The following UQCRFS1 variants were observed in gnomAD, a reference collection of about 807,000 sequenced individuals.
The protein encoded by UQCRFS1 is ubiquinol-cytochrome c reductase, Rieske iron-sulfur polypeptide 1, also known as cytochrome b-c1 complex subunit Rieske, mitochondrial.
Under a neutral mutation model 15.6 loss-of-function variants are expected in UQCRFS1, and 6 were observed. The ratio of observed to expected loss-of-function variants is 0.38; its 90% CI spans 0.21 to 0.76. The LOEUF (loss-of-function observed/expected upper bound fraction) is 0.76, where lower values mean the gene tolerates loss of function less well. Ranked by LOEUF, UQCRFS1 falls within the 30% of genes least tolerant of loss-of-function variation. The pLI is 0.44. For missense variants in UQCRFS1, 203 were observed against 366.7 expected, an observed-to-expected ratio of 0.55 and a Z score of 3.65; for synonymous variants, 105 against 154.3, an observed-to-expected ratio of 0.68 and a Z score of 2.37.
chr19:29,210,750 G>C (rs995746275), intron 1 of UQCRFS1, among the ~76,000 whole-genome samples: 5 of 151,974 alleles, frequency 3.3e-5, no homozygotes, highest in African/African-American at 9.7e-5. Flanking sequence ...TTCTTAATCC[G>C]GTCTATCATT....
chr19:29,210,548 C>T (rs1333223573), intron 1 of UQCRFS1, among the ~76,000 whole-genome samples: 5 of 137,292 alleles, frequency 3.6e-5, no homozygotes, highest in African/African-American at 1.1e-4. Context: ...GTGTGATGTT[C>T]CCCTTCCTGT....
At position 29,208,132 on chromosome 19, in the gene UQCRFS1, T is replaced by C. The variant is rs1599710434; in HGVS notation, c.241A>G (p.Thr81Ala). 1 of 1,611,730 alleles carries C rather than the reference T, an allele frequency of 6.2e-7. No homozygotes were observed. Among genetic ancestry groups the C allele is most frequent in the Non-Finnish European group, 8.5e-7 (1 of 1,179,228 alleles). ...NVPASVCYSH[T>A]DIKVPDFSEY... ...GAGAAGTCAGGCACCTTGATGTCTGTGTGGGAATAACAAACAGAAGCAGGG... is the reference window on the plus strand; with the variant it reads ...GAGAAGTCAGGCACCTTGATGTCTGCGTGGGAATAACAAACAGAAGCAGGG... Residue 81 changes from threonine (T) to alanine (A), a missense_variant, in exon 2 of 2, where the codon ACA becomes GCA. This residue lies in a region of UQCRFS1 where 92 missense variants were observed against 120.5 expected (regional missense o/e 0.76). Coordinates refer to ENST00000304863, the MANE Select transcript of UQCRFS1 (RefSeq NM_006003.3).
rs1409356271 is a variant in UQCRFS1 at position 29,213,141 on chromosome 19, A to T, written c.-23T>A. On this transcript the variant is annotated 5_prime_UTR_variant, in exon 1 of 2. Coordinates refer to ENST00000304863, the MANE Select transcript of UQCRFS1 (RefSeq NM_006003.3). ...CATGGCGACAGCCGCTCCAACCGCC[A>T]AGCCGGTCACAGGGACGACCTTCCA... 2 of 1,520,038 alleles carry T rather than the reference A, an allele frequency of 1.3e-6. No individual in the cohort carries two copies. Among genetic ancestry groups the T allele is most frequent in the Non-Finnish European group, 1.8e-6 (2 of 1,139,864 alleles). 94.2% of individuals were successfully genotyped at this position (1,520,038 alleles called of 1,614,324 possible).
In UQCRFS1 at chr19:29,210,363, A is replaced by ATT. The variant is rs36011842; in HGVS notation, c.215-2207_215-2206dup. 6.8e-4 allele frequency among the ~76,000 whole-genome samples: 103 copies of ATT among 150,516 alleles called. 1 individual carries two copies. Among genetic ancestry groups the ATT allele is most frequent in the South Asian group, 2.3e-3 (11 of 4,766 alleles). On this transcript the variant is annotated intron_variant, in intron 1 of 1. Transcript: ENST00000304863. ...TTTCTCTAAGTCAGGTAAACCTCCAATTTTTTTTTTATTATACTTTAAGTT... is the reference window on the plus strand; with the variant it reads ...TTTCTCTAAGTCAGGTAAACCTCCAATTTTTTTTTTTTATTATACTTTAAGTT...
rs982301925 is a variant in UQCRFS1 at position 29,206,814 on chromosome 19, C to G, written c.*734G>C. 6.6e-6 allele frequency: 1 copy of G among 152,146 alleles called. No homozygotes were observed. The allele number at this position is 152,146 out of a possible 1,614,324, so 9.4% of individuals were successfully genotyped here. On this transcript the variant is annotated 3_prime_UTR_variant, in exon 2 of 2. Transcript: ENST00000304863. ...CATGATGAACCACACACAAAATGAA[C>G]GAAATGGCAGAGCACTCTCATTTTG...
chr19:29,211,983 A>G (rs1976657465), intron 1 of UQCRFS1, among the ~76,000 whole-genome samples: 1 of 152,156 alleles, frequency 6.6e-6, no homozygotes, highest in East Asian at 1.9e-4. Flanking sequence ...CCAAGTAGAA[A>G]CTAGATCCCA....
chr19:29,212,574 T>C (rs1276214549), intron 1 of UQCRFS1, among the ~76,000 whole-genome samples: 1 of 152,120 alleles, frequency 6.6e-6, no homozygotes, highest in African/African-American at 2.4e-5. Context: ...GATAAAGATA[T>C]GAATCCATTT....
chr19:29,212,261 G>A (rs1307075654), intron 1 of UQCRFS1, among the ~76,000 whole-genome samples: 2 of 152,172 alleles, frequency 1.3e-5, no homozygotes, highest in African/African-American at 2.4e-5. Flanking sequence ...ATCCTGGTGC[G>A]AGTCATTCTA....
rs758188382 is a variant in UQCRFS1, at chr19:29,213,122, G to T, written c.-4C>A. ...AGCGGGATGCTACCGACAACATGGC[G>T]ACAGCCGCTCCAACCGCCAAGCCGG... On this transcript the variant is annotated 5_prime_UTR_variant, in exon 1 of 2. Coordinates refer to ENST00000304863, the MANE Select transcript of UQCRFS1 (RefSeq NM_006003.3). The T allele has an allele frequency of 4.6e-6, 7 of 1,521,030 alleles. No individual in the cohort carries two copies. In the South Asian group the frequency reaches 7.2e-5, roughly 16 times the overall value. The allele number at this position is 1,521,030 out of a possible 1,614,324, so 94.2% of individuals were successfully genotyped here. A position where few individuals can be genotyped will look rare whatever the true frequency, so the allele number is the denominator to read the frequency against.
intron 1 of UQCRFS1, 39 bp from the exon 2 acceptor site, chr19:29,208,197 G>A (rs780288935): frequency 1.9e-6 from 3 of 1,566,656 alleles, no homozygotes; most frequent in Non-Finnish European, 2.6e-6. Context: ...ACAATTAGAT[G>A]AGTATCCCGA....
In UQCRFS1 at chr19:29,207,478, C is replaced by G; in HGVS notation, c.*70G>C. On this transcript the variant is annotated 3_prime_UTR_variant, in exon 2 of 2. Transcript: ENST00000304863. ...TCAAATCAACTTCAAGTACAGAAGG[C>G]TTCCTCTCAAATAAGTCTCCTGAGG... 6.8e-7 allele frequency: 1 copy of G among 1,479,072 alleles called. No homozygotes were observed. The highest frequency in any genetic ancestry group is 2.3e-5 in the East Asian group (1 of 43,530). 91.6% of individuals were successfully genotyped at this position (1,479,072 alleles called of 1,614,324 possible).
rs1287177301 is a variant in UQCRFS1 at position 29,207,995 on chromosome 19, T to A, written c.378A>T (p.Ala126=). ...GGGTGACGGCATTCTTGGCAGCATA[T>A]GCGACACCCACAGTAGTTACTCCAG... The part of the protein sequence containing the change: ...LVTGVTTVGV[A]YAAKNAVTQF... The change falls in exon 2 of 2, where the codon GCA becomes GCT. Residue 126 remains alanine (A), a synonymous_variant. Coordinates refer to ENST00000304863, the MANE Select transcript of UQCRFS1 (RefSeq NM_006003.3). The A allele has an allele frequency of 6.2e-7, 1 of 1,614,032 alleles. No homozygotes were observed.
rs907234512 is a variant in UQCRFS1, at chr19:29,213,080, G to A, written c.39C>T (p.Pro13=). ...CCCCGCGGGACGTGGCCGACAGGACGGGCGCGAACGGGCCTGAGCGGGATG... is the reference window on the plus strand; with the variant it reads ...CCCCGCGGGACGTGGCCGACAGGACAGGCGCGAACGGGCCTGAGCGGGATG... ...SVASRSGPFA[P]VLSATSRGVA... Residue 13 remains proline (P), a synonymous_variant, in exon 1 of 2, where the codon CCC becomes CCT. Transcript: ENST00000304863. 1.1e-5 allele frequency: 17 copies of A among 1,490,944 alleles called. No homozygotes were observed. Among genetic ancestry groups the A allele is most frequent in the African/African-American group, 4.4e-5 (3 of 68,288 alleles). The allele number at this position is 1,490,944 out of a possible 1,614,324, so 92.4% of individuals were successfully genotyped here.
intron 1 of UQCRFS1, among the ~76,000 whole-genome samples, chr19:29,210,087 A>C (rs1291247957): frequency 6.6e-6 from 1 of 152,250 alleles, no homozygotes; most frequent in African/African-American, 2.4e-5. Context: ...AGAAAATTTA[A>C]GGAATTTTAA....
At chr19:29,208,713 T>C (rs6509299) in intron 1 of UQCRFS1, among the ~76,000 whole-genome samples, 141,570 of 152,262 alleles carry the variant, frequency 0.93, 65,832 homozygotes, top group East Asian at 1. Flanking sequence ...AATAATGATA[T>C]AATAAACATT....
In UQCRFS1 at chr19:29,207,445, TA is replaced by T. The variant is rs1433800252; in HGVS notation, c.*102del. On this transcript the variant is annotated 3_prime_UTR_variant, in exon 2 of 2. Coordinates refer to ENST00000304863, the MANE Select transcript of UQCRFS1 (RefSeq NM_006003.3). ...TGTTTGCAAATACATCATCAATTCT[TA>T]CATATTTCAAATCAACTTCAAGTAC... 7.7e-7 allele frequency: 1 copy of T among 1,291,738 alleles called. No individual in the cohort carries two copies. Among genetic ancestry groups the T allele is most frequent in the African/African-American group, 1.5e-5 (1 of 66,694 alleles). 80.0% of individuals were successfully genotyped at this position (1,291,738 alleles called of 1,614,324 possible).
rs1302968973 is a variant in UQCRFS1 at position 29,206,282 on chromosome 19, GCATAGA to G, written c.*1260_*1265del. 1 of 152,174 alleles carries G rather than the reference GCATAGA, an allele frequency of 6.6e-6. No homozygotes were observed. Among genetic ancestry groups the G allele is most frequent in the Non-Finnish European group, 1.5e-5 (1 of 68,034 alleles). 9.4% of individuals were successfully genotyped at this position (152,174 alleles called of 1,614,324 possible). On this transcript the variant is annotated 3_prime_UTR_variant, in exon 2 of 2. Transcript: ENST00000304863. ...AGCAAAGACTAGTATCTACTCATAA[GCATAGA>G]AAGTTTGACATTTTCTTTTTTCTGT...
intron 1 of UQCRFS1, among the ~76,000 whole-genome samples, chr19:29,212,432 C>A (rs748174023): frequency 6.6e-6 from 1 of 150,910 alleles, no homozygotes; most frequent in Non-Finnish European, 1.5e-5. Flanking sequence ...ATGAAGGGAT[C>A]GGTAGTGGTG....
At chr19:29,211,325 T>C (rs1047121819) in intron 1 of UQCRFS1, among the ~76,000 whole-genome samples, 2 of 152,214 alleles carry the variant, frequency 1.3e-5, no homozygotes, top group Non-Finnish European at 2.9e-5. Context: ...CTCCAATTTT[T>C]TGAAGAAACT....
Sources: allele counts gnomAD v4.1 joint callset (sites outside exome capture counted in the v4.1 genomes callset), GRCh38; gene constraint gnomAD v4.1.1; regional missense constraint gnomAD v4.1.1; transcripts MANE v1.5; gene names NCBI Gene and HGNC (gene_info 2026-07-23, HGNC 2026-07-21).